Variants in TENT2 observed in about 807,000 individuals in gnomAD.
TENT2 encodes terminal nucleotidyltransferase 2.
In TENT2, 44 loss-of-function variants were observed where a neutral mutation model predicts 72.2. The observed-to-expected ratio is 0.61, with a 90% confidence interval of 0.48 to 0.78. TENT2 has a LOEUF of 0.78. Among genes scored for constraint, TENT2 ranks in the 30% least tolerant of loss-of-function variants. TENT2 has a pLI of 0.00. For missense variants in TENT2, 541 were observed against 569.6 expected (o/e 0.95, Z 0.51); for synonymous variants, 212 against 192.5 (o/e 1.10, Z -0.84).
chr5:79,633,997 C>CAAAAA (rs562252526), intron 4 of TENT2, among the ~76,000 whole-genome samples: 18 of 70,456 alleles, frequency 2.6e-4, no homozygotes, highest in African/African-American at 4.5e-4. Flanking sequence ...ACTAAAAATA[C>CAAAAA]AAAAAAAAAA....
At chr5:79,684,769 T>TA (rs1825292306) in intron 14 of TENT2, among the ~76,000 whole-genome samples, 1 of 152,224 alleles carries the variant, frequency 6.6e-6, no homozygotes, top group African/African-American at 2.4e-5. Context: ...ATTGGAACCA[T>TA]AAAAATATGG....
intron 12 of TENT2, among the ~76,000 whole-genome samples, chr5:79,670,301 AG>A (rs1811950554): frequency 6.6e-6 from 1 of 151,922 alleles, no homozygotes; most frequent in Non-Finnish European, 1.5e-5. Flanking sequence ...AAGTATAAAA[AG>A]GTAAGAGCTT....
chr5:79,644,832 T>C (rs1026299570), intron 7 of TENT2: 1 of 242,972 alleles, frequency 4.1e-6, no homozygotes, highest in African/African-American at 2.2e-5. Flanking sequence ...CTATTCCCTC[T>C]GCTGCTAGCC....
chr5:79,651,087 G>A (rs1022281915), intron 10 of TENT2, among the ~76,000 whole-genome samples: 7 of 151,476 alleles, frequency 4.6e-5, no homozygotes, highest in Non-Finnish European at 8.9e-5. Flanking sequence ...ATACTAAAGT[G>A]GACAGAAAAA....
At chr5:79,632,296 T>C (rs1776212434) in intron 4 of TENT2, among the ~76,000 whole-genome samples, 1 of 152,208 alleles carries the variant, frequency 6.6e-6, no homozygotes, top group South Asian at 2.1e-4. Context: ...ATTTTGAAAA[T>C]GAATACCCTC....
intron 7 of TENT2, among the ~76,000 whole-genome samples, chr5:79,643,908 A>T (rs1215970676): frequency 1.3e-5 from 2 of 151,676 alleles, no homozygotes; most frequent in African/African-American, 4.8e-5. Context: ...ACCTGTACTT[A>T]TTACTCAAAA....
intron 4 of TENT2, among the ~76,000 whole-genome samples, chr5:79,625,722 A>AT (rs1013489902): frequency 4.6e-5 from 7 of 151,282 alleles, no homozygotes; most frequent in South Asian, 2.1e-4. Flanking sequence ...CTCCTCTGTA[A>AT]TTTTTTTTTA....
At chr5:79,660,750 T>G (rs1271340095) in intron 11 of TENT2, among the ~76,000 whole-genome samples, 2 of 152,192 alleles carry the variant, frequency 1.3e-5, no homozygotes, top group Non-Finnish European at 2.9e-5. Flanking sequence ...TTTGTGAGTG[T>G]ACTCTTTATG....
chr5:79,636,952 G>T (rs530192536), intron 4 of TENT2, among the ~76,000 whole-genome samples: 9 of 152,058 alleles, frequency 5.9e-5, no homozygotes, highest in South Asian at 2.1e-4. Flanking sequence ...GAGAGAAAAG[G>T]CCTTGGTTTT....
intron 4 of TENT2, among the ~76,000 whole-genome samples, chr5:79,635,728 G>A (rs1779582387): frequency 6.6e-6 from 1 of 152,050 alleles, no homozygotes; most frequent in Non-Finnish European, 1.5e-5. Flanking sequence ...CTAATTTTTT[G>A]TATTTTAGTA....
At chr5:79,681,145 CTTTGA>C (rs1285140501) in intron 13 of TENT2, among the ~76,000 whole-genome samples, 2 of 91,210 alleles carry the variant, frequency 2.2e-5, no homozygotes, top group African/African-American at 8.2e-5. Context: ...TTTTTCTTTT[CTTTGA>C]TTTTTTTTTT....
intron 1 of TENT2, among the ~76,000 whole-genome samples, chr5:79,614,433 C>T (rs931373008): frequency 7.9e-5 from 12 of 152,144 alleles, no homozygotes; most frequent in Non-Finnish European, 1.5e-4. Flanking sequence ...TACCTTGTCT[C>T]ATGTAAACCT....
chr5:79,684,869 GC>G (rs145180261), intron 14 of TENT2, among the ~76,000 whole-genome samples: 2,730 of 152,196 alleles, frequency 0.018, 95 homozygotes, highest in African/African-American at 0.061. Flanking sequence ...GCCAGCCTGG[GC>G]AATACAATGA....
intron 11 of TENT2, among the ~76,000 whole-genome samples, chr5:79,664,518 C>T (rs575130352): frequency 2.8e-4 from 43 of 151,606 alleles, no homozygotes; most frequent in Non-Finnish European, 5.7e-4. Context: ...TTGCTTGAAC[C>T]CAGGAGGCGG....
At chr5:79,654,213 C>G (rs1164773553) in intron 10 of TENT2, among the ~76,000 whole-genome samples, 1 of 152,144 alleles carries the variant, frequency 6.6e-6, no homozygotes, top group Non-Finnish European at 1.5e-5. Flanking sequence ...GGGTGGATCA[C>G]TTGAGGTCAG....
chr5:79,670,918 C>T (rs955397155), intron 12 of TENT2, among the ~76,000 whole-genome samples: 9 of 151,262 alleles, frequency 5.9e-5, no homozygotes, highest in Non-Finnish European at 1.3e-4. Flanking sequence ...CACTTTCAAG[C>T]TGGACTCCAA....
intron 14 of TENT2, among the ~76,000 whole-genome samples, chr5:79,684,083 T>C (rs1824616834): frequency 6.6e-6 from 1 of 152,140 alleles, no homozygotes; most frequent in Non-Finnish European, 1.5e-5. Context: ...TAGGATTGTT[T>C]AGTTGTAAAA....
At chr5:79,614,269 A>C (rs1402677148) in intron 1 of TENT2, among the ~76,000 whole-genome samples, 1 of 151,606 alleles carries the variant, frequency 6.6e-6, no homozygotes, top group Non-Finnish European at 1.5e-5. Context: ...TGCTTGGCTA[A>C]TTTTTGTATT....
rs750341817 is a variant in TENT2, at chr5:79,619,825, T to G, written c.137+40T>G. 5.0e-6 allele frequency: 8 copies of G among 1,586,096 alleles called. No homozygotes were observed. The South Asian group carries it at 8.0e-5, about 16-fold the overall frequency. ...ATTTTGGCCCATGTTGTTGGTAAAT[T>G]TCATTTTCTATTTGACATAAACCCT... is the stretch of plus-strand genomic sequence containing the variant. On this transcript the variant is annotated intron_variant, in intron 2 of 14. Coordinates refer to ENST00000453514, the MANE Select transcript of TENT2 (RefSeq NM_001114394.3).
Sources: allele counts gnomAD v4.1 joint callset (sites outside exome capture counted in the v4.1 genomes callset), GRCh38; gene constraint gnomAD v4.1.1; transcripts MANE v1.5; gene names NCBI Gene and HGNC (gene_info 2026-07-23, HGNC 2026-07-21).